Variants in HEXD observed in about 807,000 individuals in gnomAD.
HEXD encodes the protein N-acetyl-beta-galactosaminidase.
In HEXD, 47 loss-of-function variants were observed where a neutral mutation model predicts 54.2. The ratio of observed to expected loss-of-function variants is 0.87; its 90% CI spans 0.69 to 1.11. The LOEUF (loss-of-function observed/expected upper bound fraction) is 1.11, where lower values mean the gene tolerates loss of function less well. Ranked by LOEUF, HEXD falls within the 50% of genes least tolerant of loss-of-function variation. HEXD has a pLI of 0.00. For missense variants in HEXD, 576 were observed against 649.2 expected, an observed-to-expected ratio of 0.89 and a Z score of 1.23; for synonymous variants, 293 against 287.6, an observed-to-expected ratio of 1.02 and a Z score of -0.19.
rs1293739813 is a variant in HEXD at position 82,433,090 on chromosome 17, AAATATATATAT to A, written c.283-566_283-556del. On this transcript the variant is annotated intron_variant, in intron 4 of 12. Coordinates refer to ENST00000327949, the MANE Select transcript of HEXD (RefSeq NM_001330542.2). ...CAAAAAAAAAAAGAAAAAAAAAAAA[AAATATATATAT>A]ATATATATATATATATATATATATA... 5.7e-4 allele frequency among the ~76,000 whole-genome samples: 7 copies of A among 12,292 alleles called. 1 individual carries two copies. Among genetic ancestry groups the A allele is most frequent in the Admixed American group, 1.4e-3 (1 of 692 alleles). The allele number at this position is 12,292 out of a possible 152,430, so 8.1% of individuals were successfully genotyped here. A position where few individuals can be genotyped will look rare whatever the true frequency, so the allele number is the denominator to read the frequency against.
In HEXD at chr17:82,419,828, G is replaced by A; in HGVS notation, c.29G>A (p.Arg10Lys). MSGSTPFQMRLVHLDLKGAP... is the reference protein window; with the variant it reads MSGSTPFQMKLVHLDLKGAP... The stretch of plus-strand genomic sequence containing the variant: ...TCAGGTTCCACTCCATTTCAGATGA[G>A]ATTAGTTCATTTAGACCTTAAAGGA... Residue 10 changes from arginine to lysine, a missense_variant, in exon 2 of 13, where the codon AGA (arginine) becomes AAA (lysine). Coordinates refer to ENST00000327949, the MANE Select transcript of HEXD (RefSeq NM_001330542.2). 4 of 1,612,432 alleles carry A rather than the reference G, an allele frequency of 2.5e-6. No homozygotes were observed. The South Asian group carries it at 4.4e-5, about 18-fold the overall frequency.
At chr17:82,440,346 C>T (rs2053897258) in intron 9 of HEXD, 1 of 1,224,532 alleles carries the variant, frequency 8.2e-7, no homozygotes, top group Non-Finnish European at 1.0e-6. Context: ...TGAGAGGACG[C>T]AGAATGAGAT....
chr17:82,418,541 C>T lies in HEXD; in HGVS notation c.-251C>T. 2 of 1,055,670 alleles carry T rather than the reference C, an allele frequency of 1.9e-6. No homozygotes were observed. Among genetic ancestry groups the T allele is most frequent in the Admixed American group, 4.4e-5 (1 of 22,886 alleles). The allele number at this position is 1,055,670 out of a possible 1,614,324, so 65.4% of individuals were successfully genotyped here. On this transcript the variant is annotated 5_prime_UTR_variant, in exon 1 of 13. The change creates a new upstream start codon in the 5' untranslated region. Coordinates refer to ENST00000327949, the MANE Select transcript of HEXD (RefSeq NM_001330542.2). ...CGCGGGCGCCAGGCCCGGGGACGAA[C>T]GCCGTAACAGGGAGCGCGAGGCAGG...
chr17:82,432,453 C>CG (rs2053600763), intron 4 of HEXD, among the ~76,000 whole-genome samples: 1 of 152,188 alleles, frequency 6.6e-6, no homozygotes. Context: ...AAGTCTGCCC[C>CG]TTTGGCAGCA....
chr17:82,433,089 AAAATATAT>A (rs2053634345), intron 4 of HEXD, among the ~76,000 whole-genome samples: 1 of 15,070 alleles, frequency 6.6e-5, no homozygotes, highest in African/African-American at 5.0e-4. Flanking sequence ...AAAAAAAAAA[AAAATATAT>A]ATATATATAT....
rs142889939 is a variant in HEXD, at chr17:82,438,929, G to A, written c.900-702G>A. Among the ~76,000 whole-genome samples the A allele has an allele frequency of 4.0e-3, 613 of 152,396 alleles. 2 individuals are homozygous for A. The highest frequency in any genetic ancestry group is 0.017 in the Middle Eastern group (5 of 294). On this transcript the variant is annotated intron_variant, in intron 8 of 12. Transcript: ENST00000327949. Reference sequence around the variant, plus strand: ...GCTCCTCCTCCCCCAGAGCAGCGGCGCATCCTTCAGGCGAGCCTGGGGCTG... The same window carrying A: ...GCTCCTCCTCCCCCAGAGCAGCGGCACATCCTTCAGGCGAGCCTGGGGCTG...
In HEXD at chr17:82,434,276, G is replaced by T. The variant is rs570694184; in HGVS notation, c.447+454G>T. Among the ~76,000 whole-genome samples the T allele has an allele frequency of 6.6e-6, 1 of 152,296 alleles. No individual in the cohort carries two copies. The highest frequency in any genetic ancestry group is 1.5e-5 in the Non-Finnish European group (1 of 68,012). The stretch of plus-strand genomic sequence containing the variant: ...CCCTGAAGCACCCAATGGAAAAGGT[G>T]GTCCCCAGGGGGTGCCAGAGATGTG... On this transcript the variant is annotated intron_variant, in intron 5 of 12. Transcript: ENST00000327949. The surrounding 1 kb of genome is among the most constrained non-coding windows in gnomAD (Gnocchi z 4.5).
chr17:82,424,553 G>T (rs554195976), intron 3 of HEXD, 50 bp downstream of exon 3: 79 of 1,369,366 alleles, frequency 5.8e-5, no homozygotes, highest in African/African-American at 2.3e-4. Flanking sequence ...AGCGGGGAAG[G>T]GGGGGTTCCG....
chr17:82,420,634 C>G (rs972743447), intron 2 of HEXD, among the ~76,000 whole-genome samples: 1 of 152,210 alleles, frequency 6.6e-6, no homozygotes, highest in Non-Finnish European at 1.5e-5. Flanking sequence ...ATGGCGCAGT[C>G]TCGGCTTACT....
At chr17:82,435,934 A>G in intron 6 of HEXD, 62 bp downstream of exon 6, 1 of 1,519,308 alleles carries the variant, frequency 6.6e-7, no homozygotes, top group Non-Finnish European at 8.9e-7. Context: ...TGCGGCTTCA[A>G]AGAAAGAAGG....
At chr17:82,435,591 G>A (rs1018126595) in intron 5 of HEXD, 98 bp from the exon 6 acceptor site, 8 of 1,254,014 alleles carry the variant, frequency 6.4e-6, no homozygotes, top group Middle Eastern at 2.3e-4. Context: ...CTCCCCACAG[G>A]CAGCGGCCCC....
chr17:82,419,418 C>T (rs1448782829), intron 1 of HEXD, among the ~76,000 whole-genome samples: 1 of 152,236 alleles, frequency 6.6e-6, no homozygotes, highest in Non-Finnish European at 1.5e-5. Flanking sequence ...TTAGAGGCTT[C>T]TGCCCGACTG....
intron 8 of HEXD, among the ~76,000 whole-genome samples, chr17:82,439,126 CCT>C (rs1201877766): frequency 6.6e-6 from 1 of 152,238 alleles, no homozygotes; most frequent in African/African-American, 2.4e-5. Flanking sequence ...AGATGCTGCC[CCT>C]GACCTGCTGC....
intron 8 of HEXD, among the ~76,000 whole-genome samples, chr17:82,437,693 A>T (rs1444211037): frequency 6.6e-6 from 1 of 151,392 alleles, no homozygotes; most frequent in Non-Finnish European, 1.5e-5. Flanking sequence ...TCAGGATTTC[A>T]CTCTGTTGCT....
In HEXD at chr17:82,418,434, C is replaced by T. The variant is rs2053126889; in HGVS notation, c.-358C>T. The T allele has an allele frequency of 1.4e-6, 2 of 1,479,030 alleles. No homozygotes were observed. The highest frequency in any genetic ancestry group is 1.8e-6 in the Non-Finnish European group (2 of 1,120,918). The allele number at this position is 1,479,030 out of a possible 1,614,324, so 91.6% of individuals were successfully genotyped here. A position where few individuals can be genotyped will look rare whatever the true frequency, so the allele number is the denominator to read the frequency against. On this transcript the variant is annotated 5_prime_UTR_variant, in exon 1 of 13. Coordinates refer to ENST00000327949, the MANE Select transcript of HEXD (RefSeq NM_001330542.2). The stretch of plus-strand genomic sequence containing the variant: ...TACCTGCTCCGGTTCCGGCGCTCGG[C>T]CGCTCCGTTGCCCTCGGGCGCCTTG...
At chr17:82,437,931 T>C in intron 8 of HEXD, among the ~76,000 whole-genome samples, 1 of 152,150 alleles carries the variant, frequency 6.6e-6, no homozygotes, top group Non-Finnish European at 1.5e-5. Context: ...GGGCCAATAG[T>C]GTGACAGAAT....
rs762284267 is a variant in HEXD at position 82,437,205 on chromosome 17, G to A, written c.741G>A (p.Pro247=). The A allele has an allele frequency of 1.4e-5, 22 of 1,602,368 alleles. No homozygotes were observed. The highest frequency in any genetic ancestry group is 4.0e-5 in the African/African-American group (3 of 74,662). Residue 247 remains proline (P), a synonymous_variant, in exon 8 of 13, where the codon CCG becomes CCA. Coordinates refer to ENST00000327949, the MANE Select transcript of HEXD (RefSeq NM_001330542.2). ...LMQKYRRCGF[P]QLWAASAFKG... is the part of the protein sequence containing the mutation. ...AGAAGTACCGGCGGTGCGGCTTTCC[G>A]CAGCTGTGGGCAGCCAGTGCCTTCA...
Position 82,433,811 on chromosome 17 carries a change from G to A in HEXD, c.436G>A (p.Gly146Arg), listed in dbSNP as rs762918538. The change falls in exon 5 of 13, where the codon GGG (glycine) becomes AGG (arginine). Residue 146 changes from glycine (G) to arginine (R), a missense_variant. Physicochemically the swap from Gly to Arg is moderately radical, Grantham distance 125. Coordinates refer to ENST00000327949, the MANE Select transcript of HEXD (RefSeq NM_001330542.2). Reference sequence around the variant, plus strand: ...CCCAGGCGCCCAGCGGCTGCACATCGGGTGTGATGAGGTGGGTACTGTCAC... The same window carrying A: ...CCCAGGCGCCCAGCGGCTGCACATCAGGTGTGATGAGGTGGGTACTGTCAC... ...LHPGAQRLHI[G>R]CDEVYYLGEG... is the part of the protein sequence containing the mutation. 3.2e-5 allele frequency: 52 copies of A among 1,611,890 alleles called. No individual in the cohort carries two copies. The highest frequency in any genetic ancestry group is 9.0e-5 in the East Asian group (4 of 44,688).
rs1202789104 is a variant in HEXD at position 82,418,370 on chromosome 17, G to C, written c.-422G>C. The C allele has an allele frequency of 4.6e-6, 6 of 1,312,722 alleles. No individual in the cohort carries two copies. The South Asian group carries it at 7.9e-5, about 17-fold the overall frequency. 81.3% of individuals were successfully genotyped at this position (1,312,722 alleles called of 1,614,324 possible). Reference sequence around the variant, plus strand: ...CCAGTCCCGCCCACTCCATGGCCCTGTCCGCCGCCGCAGCGCGCGCCCTTC... The same window carrying C: ...CCAGTCCCGCCCACTCCATGGCCCTCTCCGCCGCCGCAGCGCGCGCCCTTC... On this transcript the variant is annotated 5_prime_UTR_variant, in exon 1 of 13. Transcript: ENST00000327949.
Sources: allele counts gnomAD v4.1 joint callset (sites outside exome capture counted in the v4.1 genomes callset), GRCh38; gene constraint gnomAD v4.1.1; non-coding constraint Gnocchi (gnomAD v3.1); transcripts MANE v1.5; gene names NCBI Gene and HGNC (gene_info 2026-07-23, HGNC 2026-07-21).